Variants in KLHL38 observed in about 807,000 individuals in gnomAD.
The protein encoded by KLHL38 is kelch like family member 38, also known as kelch-like protein 38.
A neutral mutation model predicts 39.6 loss-of-function variants in KLHL38; 38 were observed. The observed-to-expected ratio is 0.96, with a 90% CI of 0.74 to 1.26. The LOEUF (loss-of-function observed/expected upper bound fraction) is 1.26, where lower values mean the gene tolerates loss of function less well. Ranked by LOEUF, KLHL38 falls within the 50% of genes most tolerant of loss-of-function variation. KLHL38 has a pLI of 0.00. For missense variants in KLHL38, 803 were observed against 748.1 expected, an observed-to-expected ratio of 1.07 and a Z score of -0.86; for synonymous variants, 322 against 302.2, an observed-to-expected ratio of 1.07 and a Z score of -0.68.
intron 2 of KLHL38, among the ~76,000 whole-genome samples, chr8:123,649,262 G>T (rs921900169): frequency 2.0e-5 from 3 of 152,164 alleles, no homozygotes; most frequent in Non-Finnish European, 4.4e-5. Context: ...TATCTGTCTG[G>T]TGTGGTCAGA....
rs1056573670 is a variant in KLHL38, at chr8:123,646,119, G to A, written c.1457-91C>T. 5 of 1,166,060 alleles carry A rather than the reference G, an allele frequency of 4.3e-6. No individual in the cohort carries two copies. In the African/African-American group the frequency reaches 4.5e-5, roughly 10 times the overall value. The allele number at this position is 1,166,060 out of a possible 1,614,324, so 72.2% of individuals were successfully genotyped here. A position where few individuals can be genotyped will look rare whatever the true frequency, so the allele number is the denominator to read the frequency against. On this transcript the variant is annotated intron_variant, in intron 3 of 3. Coordinates refer to ENST00000684634, the MANE Select transcript of KLHL38 (RefSeq NM_001081675.3). Reference sequence around the variant, plus strand: ...TGGGACGCGTCTGACTCCTGCCACTGCGTAAGGCTGAGGCTGGGGCTCTGA... The same window carrying A: ...TGGGACGCGTCTGACTCCTGCCACTACGTAAGGCTGAGGCTGGGGCTCTGA...
chr8:123,645,687 G>C lies in KLHL38; in HGVS notation c.*52C>G. ...TTAAGCCCTTTGGAGCTGGGTTTGT[G>C]TCCCTGGCGACAGAAGGCATTTTGA... On this transcript the variant is annotated 3_prime_UTR_variant, in exon 4 of 4. Coordinates refer to ENST00000684634, the MANE Select transcript of KLHL38 (RefSeq NM_001081675.3). 6.3e-7 allele frequency: 1 copy of C among 1,590,464 alleles called. No homozygotes were observed. The highest frequency in any genetic ancestry group is 8.6e-7 in the Non-Finnish European group (1 of 1,164,800).
In KLHL38 at chr8:123,651,675, G is replaced by T. The variant is rs780070118; in HGVS notation, c.1252C>A (p.Pro418Thr). ...ACTGCGGGGTGGAGCACCCCCACGG[G>T]CATGCTGGCCATACTCTCCCAGACA... ...CNVWESMASM[P>T]VGVLHPAVAV... The change falls in exon 2 of 4, where the codon CCC (proline) becomes ACC (threonine). Residue 418 changes from proline to threonine, a missense_variant. Physicochemically the swap from Pro to Thr is conservative, Grantham distance 38. Coordinates refer to ENST00000684634, the MANE Select transcript of KLHL38 (RefSeq NM_001081675.3). 1 of 1,614,098 alleles carries T rather than the reference G, an allele frequency of 6.2e-7. No individual in the cohort carries two copies. Among genetic ancestry groups the T allele is most frequent in the East Asian group, 2.2e-5 (1 of 44,878 alleles).
Position 123,652,536 on chromosome 8 carries a change from A to T in KLHL38, c.391T>A (p.Leu131Met), listed in dbSNP as rs372636699. The change falls in exon 2 of 4, where the codon TTG (leucine) becomes ATG (methionine). Residue 131 changes from leucine (L) to methionine (M), a missense_variant. Coordinates refer to ENST00000684634, the MANE Select transcript of KLHL38 (RefSeq NM_001081675.3). ...ATACCCAGGCAGTTGCTGGGGGCCA[A>T]CTGGCTCTGCAAGTACGAGGAGCAG... ...EACSSYLQSQ[L>M]APSNCLGMIR... 4 of 1,614,082 alleles carry T rather than the reference A, an allele frequency of 2.5e-6. No homozygotes were observed. The highest frequency in any genetic ancestry group is 3.4e-6 in the Non-Finnish European group (4 of 1,180,034).
chr8:123,651,823 G>A lies in KLHL38; in HGVS notation c.1104C>T (p.Pro368=), dbSNP rs765048268. Residue 368 remains proline, a synonymous_variant, in exon 2 of 4, where the codon CCC becomes CCT. Transcript: ENST00000684634. ...LKLNQWRLGE[P]MLVARYSHRS... ...TGTGGGAGTAGCGGGCCACCAGCAT[G>A]GGCTCCCCCAGCCTCCACTGATTGA... is the stretch of plus-strand genomic sequence containing the variant. 1.9e-6 allele frequency: 3 copies of A among 1,614,148 alleles called. No individual in the cohort carries two copies. Among genetic ancestry groups the A allele is most frequent in the Admixed American group, 3.3e-5 (2 of 60,026 alleles).
Position 123,645,453 on chromosome 8 carries a change from G to C in KLHL38, c.*286C>G. The C allele has an allele frequency of 3.2e-6, 1 of 310,294 alleles. No homozygotes were observed. The highest frequency in any genetic ancestry group is 6.0e-6 in the Non-Finnish European group (1 of 167,950). The allele number at this position is 310,294 out of a possible 1,614,324, so 19.2% of individuals were successfully genotyped here. A position where few individuals can be genotyped will look rare whatever the true frequency, so the allele number is the denominator to read the frequency against. ...CTCCATCTCAAAAAAAAGAAAAAGA[G>C]AGAGAGAGAGAGAGAGAGAGAGAGA... On this transcript the variant is annotated 3_prime_UTR_variant, in exon 4 of 4. Coordinates refer to ENST00000684634, the MANE Select transcript of KLHL38 (RefSeq NM_001081675.3).
chr8:123,645,516 A>G lies in KLHL38; in HGVS notation c.*223T>C. ...TAGGGGAGAGAAAGAAAGAAGGGGGAAAGACAGAGACAGATGGAGGTGGGG... is the reference window on the plus strand; with the variant it reads ...TAGGGGAGAGAAAGAAAGAAGGGGGGAAGACAGAGACAGATGGAGGTGGGG... On this transcript the variant is annotated 3_prime_UTR_variant, in exon 4 of 4. Coordinates refer to ENST00000684634, the MANE Select transcript of KLHL38 (RefSeq NM_001081675.3). The G allele has an allele frequency of 3.6e-6, 2 of 555,226 alleles. No individual in the cohort carries two copies. The highest frequency in any genetic ancestry group is 6.4e-6 in the Non-Finnish European group (2 of 311,906). The allele number at this position is 555,226 out of a possible 1,614,324, so 34.4% of individuals were successfully genotyped here.
chr8:123,651,635 T>C lies in KLHL38; in HGVS notation c.1292A>G (p.Gln431Arg). Residue 431 changes from glutamine (Q) to arginine (R), a missense_variant, in exon 2 of 4, where the codon CAA becomes CGA. Transcript: ENST00000684634. Reference sequence around the variant, plus strand: ...CTCTCCTCCAAAGAGATAGAGTCTTTGGTCTTTCACAGCGACTGCGGGGTG... The same window carrying C: ...CTCTCCTCCAAAGAGATAGAGTCTTCGGTCTTTCACAGCGACTGCGGGGTG... ...VLHPAVAVKD[Q>R]RLYLFGGEDI... 5 of 1,612,786 alleles carry C rather than the reference T, an allele frequency of 3.1e-6. No homozygotes were observed. The highest frequency in any genetic ancestry group is 3.4e-6 in the Non-Finnish European group (4 of 1,179,592).
Position 123,645,673 on chromosome 8 carries a change from G to C in KLHL38, c.*66C>G. 1 of 1,562,088 alleles carries C rather than the reference G, an allele frequency of 6.4e-7. No homozygotes were observed. ...GCAGCCTTTAAGGGTTAAGCCCTTT[G>C]GAGCTGGGTTTGTGTCCCTGGCGAC... On this transcript the variant is annotated 3_prime_UTR_variant, in exon 4 of 4. Transcript: ENST00000684634.
rs374991711 is a variant in KLHL38 at position 123,651,697 on chromosome 8, G to C, written c.1230C>G (p.Val410=). The C allele has an allele frequency of 1.9e-6, 3 of 1,614,094 alleles. No individual in the cohort carries two copies. The highest frequency in any genetic ancestry group is 2.5e-6 in the Non-Finnish European group (3 of 1,180,052). The change falls in exon 2 of 4, where the codon GTC becomes GTG. Residue 410 remains valine, a synonymous_variant. Coordinates refer to ENST00000684634, the MANE Select transcript of KLHL38 (RefSeq NM_001081675.3). ...SMERYDSICN[V]WESMASMPVG... ...CGGGCATGCTGGCCATACTCTCCCA[G>C]ACATTGCAGATGCTGTCATACCTTT...
intron 3 of KLHL38, among the ~76,000 whole-genome samples, chr8:123,646,445 G>T (rs1818666668): frequency 6.6e-6 from 1 of 152,190 alleles, no homozygotes. Context: ...ACAAACTGAG[G>T]CACAGAAAGA....
At position 123,645,280 on chromosome 8, in the gene KLHL38, C is replaced by T. The variant is rs750800355; in HGVS notation, c.*459G>A. On this transcript the variant is annotated 3_prime_UTR_variant, in exon 4 of 4. Transcript: ENST00000684634. Reference sequence around the variant, plus strand: ...TAGTGAAACCCTGTCTTTACTAAAACGCAAAAATTAGCTGGACTTGGTGGC... The same window carrying T: ...TAGTGAAACCCTGTCTTTACTAAAATGCAAAAATTAGCTGGACTTGGTGGC... 1.5e-4 allele frequency among the ~76,000 whole-genome samples: 23 copies of T among 151,954 alleles called. No homozygotes were observed. Among genetic ancestry groups the T allele is most frequent in the Non-Finnish European group, 2.6e-4 (18 of 67,978 alleles).
chr8:123,646,975 T>C lies in KLHL38; in HGVS notation c.1390A>G (p.Thr464Ala). 1 of 1,613,760 alleles carries C rather than the reference T, an allele frequency of 6.2e-7. No individual in the cohort carries two copies. Among genetic ancestry groups the C allele is most frequent in the Non-Finnish European group, 8.5e-7 (1 of 1,179,780 alleles). ...ISRNSWFKME[T>A]RMIKNVCAPA... The stretch of plus-strand genomic sequence containing the variant: ...GCACACACGTTCTTGATCATTCTTG[T>C]CTCCATTTTGAACCACGAGTTTCTG... Residue 464 changes from threonine (T) to alanine (A), a missense_variant, in exon 3 of 4, where the codon ACA (threonine) becomes GCA (alanine). Physicochemically the swap from Thr to Ala is moderately conservative, Grantham distance 58. Coordinates refer to ENST00000684634, the MANE Select transcript of KLHL38 (RefSeq NM_001081675.3).
At position 123,645,857 on chromosome 8, in the gene KLHL38, A is replaced by G. The variant is rs1818653670; in HGVS notation, c.1628T>C (p.Phe543Ser). 3 of 1,613,894 alleles carry G rather than the reference A, an allele frequency of 1.9e-6. No individual in the cohort carries two copies. The highest frequency in any genetic ancestry group is 2.5e-6 in the Non-Finnish European group (3 of 1,179,966). Reference protein sequence around the residue: ...TDCNIEDSASFDCYDPETDTW... With the variant: ...TDCNIEDSASSDCYDPETDTW... ...GTCCGTCTCGGGGTCGTAGCAATCGAAGGAGGCGGAGTCCTCAATGTTGCA... is the reference window on the plus strand; with the variant it reads ...GTCCGTCTCGGGGTCGTAGCAATCGGAGGAGGCGGAGTCCTCAATGTTGCA... The change falls in exon 4 of 4, where the codon TTC becomes TCC. Residue 543 changes from phenylalanine (F) to serine (S), a missense_variant. Coordinates refer to ENST00000684634, the MANE Select transcript of KLHL38 (RefSeq NM_001081675.3).
At position 123,645,877 on chromosome 8, in the gene KLHL38, G is replaced by A. The variant is rs200192623; in HGVS notation, c.1608C>T (p.Asn536=). 251 of 1,613,984 alleles carry A rather than the reference G, an allele frequency of 1.6e-4. No homozygotes were observed. Among genetic ancestry groups the A allele is most frequent in the Non-Finnish European group, 2.0e-4 (235 of 1,180,028 alleles). The change falls in exon 4 of 4, where the codon AAC becomes AAT. Residue 536 remains asparagine, a synonymous_variant. Transcript: ENST00000684634. ...TGGRRLTTDC[N]IEDSASFDCY... is the part of the protein sequence containing the mutation. ...AATCGAAGGAGGCGGAGTCCTCAAT[G>A]TTGCAGTCCGTGGTCAGCCGCCGCC...
At position 123,652,820 on chromosome 8, in the gene KLHL38, A is replaced by C; in HGVS notation, c.107T>G (p.Val36Gly). 2 of 1,613,202 alleles carry C rather than the reference A, an allele frequency of 1.2e-6. No individual in the cohort carries two copies. The highest frequency in any genetic ancestry group is 2.2e-5 in the South Asian group (2 of 91,084). Residue 36 changes from valine to glycine, a missense_variant, in exon 2 of 4, where the codon GTG becomes GGG. Val to Gly is a moderately radical substitution (Grantham distance 109). Coordinates refer to ENST00000684634, the MANE Select transcript of KLHL38 (RefSeq NM_001081675.3). ...CTCCCGGGCACCGGCACAGATGCTC[A>C]CATCAGTCAGGATCCTGCTTTGCCT... ...SLRQSRILTD[V>G]SICAGAREIP...
chr8:123,653,400 G>A (rs1812694141), intron 1 of KLHL38, among the ~76,000 whole-genome samples, 186 bp downstream of exon 1: 1 of 152,288 alleles, frequency 6.6e-6, no homozygotes, highest in South Asian at 2.1e-4. Context: ...TGGAGGTGTG[G>A]CCCTCTGGTC....
Position 123,645,760 on chromosome 8 carries a change from G to T in KLHL38, c.1725C>A (p.Pro575=). Residue 575 remains proline, a synonymous_variant, in exon 4 of 4, where the codon CCC becomes CCA. Transcript: ENST00000684634. ...GACCTCATGGGAGGCCAGACGTGCG[G>T]GGTATGCACTGGAGAGTGAGGCAGG... is the stretch of plus-strand genomic sequence containing the variant. The part of the protein sequence containing the change: ...DHACLTLQCI[P]RTSGLP 1 of 1,614,002 alleles carries T rather than the reference G, an allele frequency of 6.2e-7. No homozygotes were observed. The highest frequency in any genetic ancestry group is 1.1e-5 in the South Asian group (1 of 91,062).
At position 123,651,596 on chromosome 8, in the gene KLHL38, T is replaced by C; in HGVS notation, c.1331A>G (p.Asn444Ser). The change falls in exon 2 of 4, where the codon AAC becomes AGC. Residue 444 changes from asparagine to serine, a missense_variant. Physicochemically the swap from Asn to Ser is conservative, Grantham distance 46. Transcript: ENST00000684634. ...YLFGGEDIMQ[N>S]PVRLIQVYHI... ...ATTTACCTGGATAAGGCGCACAGGG[T>C]TCTGCATGATGTCCTCTCCTCCAAA... The C allele has an allele frequency of 6.3e-7, 1 of 1,591,684 alleles. No homozygotes were observed. The highest frequency in any genetic ancestry group is 1.2e-5 in the South Asian group (1 of 86,884).
Sources: gnomAD v4.1 joint callset for allele counts (sites outside exome capture counted in the v4.1 genomes callset) on GRCh38, gnomAD v4.1.1 for gene constraint, MANE v1.5 for transcripts, NCBI Gene and HGNC (gene_info 2026-07-23, HGNC 2026-07-21) for gene names.